The following NRF1 variants were observed in gnomAD, a reference collection of about 807,000 sequenced individuals.
NRF1 encodes nuclear respiratory factor 1, also known as alpha palindromic-binding protein.
NRF1 carries 5 observed loss-of-function variants against 58.5 expected under a neutral mutation model. The observed-to-expected ratio is 0.09, with a 90% CI of 0.04 to 0.18. The LOEUF is 0.18. Ranked by LOEUF, NRF1 falls within the 10% of genes least tolerant of loss-of-function variation. The pLI is 1.00. For synonymous variants in NRF1, 224 were observed against 246.7 expected, an observed-to-expected ratio of 0.91 and a Z score of 0.86; for missense variants, 288 against 657.7, an observed-to-expected ratio of 0.44 and a Z score of 6.15.
At chr7:129,683,912 C>T (rs1316336831) in intron 4 of NRF1, among the ~76,000 whole-genome samples, 1 of 152,066 alleles carries the variant, frequency 6.6e-6, no homozygotes, top group Non-Finnish European at 1.5e-5. Context: ...GGATTACAGG[C>T]GTGAGCCACC....
At chr7:129,683,353 G>GAGAGAGAGAGAGAGAT (rs1802372559) in intron 4 of NRF1, among the ~76,000 whole-genome samples, 2 of 147,634 alleles carry the variant, frequency 1.4e-5, no homozygotes, top group African/African-American at 5.1e-5. Context: ...GAGAAAGAGA[G>GAGAGAGAGAGAGAGAT]AGACTTGCTC....
chr7:129,668,229 C>T (rs1801965620), intron 2 of NRF1, among the ~76,000 whole-genome samples: 1 of 152,170 alleles, frequency 6.6e-6, no homozygotes, highest in African/African-American at 2.4e-5. Context: ...TTTATGAAAT[C>T]TGCAATTCAG....
chr7:129,687,905 T>C (rs1318283866), intron 4 of NRF1, among the ~76,000 whole-genome samples: 1 of 152,224 alleles, frequency 6.6e-6, no homozygotes, highest in African/African-American at 2.4e-5. Context: ...AGAAATGCTT[T>C]GGTAATACCT....
chr7:129,746,269 G>A (rs1223897944), intron 10 of NRF1, among the ~76,000 whole-genome samples: 2 of 152,158 alleles, frequency 1.3e-5, no homozygotes, highest in African/African-American at 4.8e-5. Context: ...TCTCTTCCCC[G>A]TTTGCCCTAC....
At chr7:129,678,304 A>G (rs370505545) in intron 4 of NRF1, among the ~76,000 whole-genome samples, 12 of 152,310 alleles carry the variant, frequency 7.9e-5, no homozygotes, top group East Asian at 3.9e-4. Flanking sequence ...TACTTATACA[A>G]TAGGAACTAT....
chr7:129,614,535 T>G (rs1407419815), intron 1 of NRF1, among the ~76,000 whole-genome samples: 1 of 151,546 alleles, frequency 6.6e-6, no homozygotes, highest in African/African-American at 2.4e-5. Context: ...TAAGCTGGCC[T>G]TGAACTCCTG....
chr7:129,658,494 G>A (rs1801708690), intron 2 of NRF1, among the ~76,000 whole-genome samples: 2 of 152,138 alleles, frequency 1.3e-5, no homozygotes, highest in African/African-American at 4.8e-5. Context: ...GGCTGTGGTG[G>A]GATGACTGAT....
At chr7:129,754,814 A>G (rs1183150068) in intron 10 of NRF1, among the ~76,000 whole-genome samples, 1 of 152,184 alleles carries the variant, frequency 6.6e-6, no homozygotes, top group Non-Finnish European at 1.5e-5. Context: ...CAGTTACTAT[A>G]TATCAATTAT....
At chr7:129,745,505 A>ACC (rs1803953764) in intron 10 of NRF1, among the ~76,000 whole-genome samples, 43 of 57,244 alleles carry the variant, frequency 7.5e-4, no homozygotes, top group Non-Finnish European at 1.3e-3. Flanking sequence ...CATCCCCCTC[A>ACC]ACCCCCCCCC....
chr7:129,647,823 T>C (rs1562959025), intron 1 of NRF1, among the ~76,000 whole-genome samples: 2 of 152,258 alleles, frequency 1.3e-5, no homozygotes, highest in African/African-American at 4.8e-5. Context: ...CATACAATTT[T>C]GTTAGTTTTA....
At chr7:129,696,231 G>A (rs1448005548) in intron 5 of NRF1, among the ~76,000 whole-genome samples, 1 of 152,086 alleles carries the variant, frequency 6.6e-6, no homozygotes, top group Non-Finnish European at 1.5e-5. Context: ...GGCAACAAGA[G>A]CGAAACTCCG....
intron 10 of NRF1, among the ~76,000 whole-genome samples, chr7:129,737,081 A>C (rs1047204142): frequency 2.0e-5 from 3 of 152,362 alleles, no homozygotes; most frequent in African/African-American, 4.8e-5. Flanking sequence ...AGCTGTCAGC[A>C]TCAATTTCTT....
intron 4 of NRF1, among the ~76,000 whole-genome samples, chr7:129,685,595 GTGTGTGTGTA>G (rs1802427326): frequency 8.1e-6 from 1 of 123,174 alleles, no homozygotes; most frequent in African/African-American, 2.7e-5. Flanking sequence ...GTGTGTGTGT[GTGTGTGTGTA>G]TGAAAAATAA....
At chr7:129,635,509 G>T (rs1477414399) in intron 1 of NRF1, among the ~76,000 whole-genome samples, 3 of 152,216 alleles carry the variant, frequency 2.0e-5, no homozygotes, top group East Asian at 3.9e-4. Context: ...CATACCCCCA[G>T]CTGCAGCAGA....
chr7:129,615,312 G>C (rs1431879691), intron 1 of NRF1, among the ~76,000 whole-genome samples: 1 of 152,188 alleles, frequency 6.6e-6, no homozygotes, highest in Non-Finnish European at 1.5e-5. Flanking sequence ...AACTCCCTGG[G>C]CTGTTGAATT....
At chr7:129,729,622 GAAT>G (rs1274411965) in intron 10 of NRF1, among the ~76,000 whole-genome samples, 1 of 152,232 alleles carries the variant, frequency 6.6e-6, no homozygotes, top group Non-Finnish European at 1.5e-5. Flanking sequence ...GGAATCCAAA[GAAT>G]GAATCTCATA....
intron 10 of NRF1, among the ~76,000 whole-genome samples, chr7:129,747,731 T>A (rs1477057433): frequency 6.6e-6 from 1 of 152,146 alleles, no homozygotes. Flanking sequence ...AAGCCTTTAA[T>A]GGAAATAAAC....
At chr7:129,738,515 G>C (rs1803774402) in intron 10 of NRF1, among the ~76,000 whole-genome samples, 1 of 152,236 alleles carries the variant, frequency 6.6e-6, no homozygotes, top group African/African-American at 2.4e-5. Flanking sequence ...ATTCTGGGAA[G>C]CATGTTGGTA....
In NRF1 at chr7:129,733,611, T is replaced by C. The variant is rs189898838; in HGVS notation, c.1348+6246T>C. ...CCAGCTTTCCCCAGGTTCAGGGTTA[T>C]AGGGAGTTTTCATCACAGAGATGGA... On this transcript the variant is annotated intron_variant, in intron 10 of 10. Coordinates refer to ENST00000393232, the MANE Select transcript of NRF1 (RefSeq NM_005011.5). Among the ~76,000 whole-genome samples the C allele has an allele frequency of 4.3e-3, 652 of 152,342 alleles. 6 individuals carry two copies. The highest frequency in any genetic ancestry group is 7.5e-3 in the Non-Finnish European group (512 of 68,014).
Sources: gnomAD v4.1 joint callset for allele counts (sites outside exome capture counted in the v4.1 genomes callset) on GRCh38, gnomAD v4.1.1 for gene constraint, MANE v1.5 for transcripts, NCBI Gene and HGNC (gene_info 2026-07-23, HGNC 2026-07-21) for gene names.